The following UTRN variants were observed in gnomAD, a reference collection of about 807,000 sequenced individuals.
The protein encoded by UTRN is dystrophin-related protein 1.
In UTRN, 283 loss-of-function variants were observed where a neutral mutation model predicts 463.9. The observed-to-expected ratio is 0.61, with a 90% CI of 0.55 to 0.67. The LOEUF (loss-of-function observed/expected upper bound fraction) is 0.67. UTRN is among the 30% of genes least tolerant of loss of function. The probability of loss-of-function intolerance (pLI) is 0.00; values close to 1 mark genes in which losing one functional copy is unlikely to be tolerated. For missense variants in UTRN, 3,922 were observed against 4,084.3 expected (o/e 0.96, Z 1.08); for synonymous variants, 1,442 against 1,431.5 (o/e 1.01, Z -0.17).
chr6:144,653,136 G>T (rs1002645071), intron 51 of UTRN, among the ~76,000 whole-genome samples: 1 of 152,030 alleles, frequency 6.6e-6, no homozygotes, highest in Non-Finnish European at 1.5e-5. Context: ...CTTCCAGGTC[G>T]CCATTATTGC....
chr6:144,594,738 C>T (rs1290889719), intron 51 of UTRN, among the ~76,000 whole-genome samples: 1 of 152,122 alleles, frequency 6.6e-6, no homozygotes, highest in African/African-American at 2.4e-5. Context: ...TTTGTCTCTT[C>T]TTAAAAAGAA....
intron 51 of UTRN, among the ~76,000 whole-genome samples, chr6:144,637,062 G>A (rs1215331238): frequency 6.6e-6 from 1 of 152,170 alleles, no homozygotes; most frequent in African/African-American, 2.4e-5. Context: ...TCTGCTGCCT[G>A]GGCTCAGGAA....
chr6:144,720,477 G>A (rs1787011541), intron 53 of UTRN, among the ~76,000 whole-genome samples: 1 of 152,190 alleles, frequency 6.6e-6, no homozygotes, highest in Admixed American at 6.5e-5. Flanking sequence ...ACAGGAGGAA[G>A]GGTGTCTTCA....
intron 25 of UTRN, among the ~76,000 whole-genome samples, chr6:144,475,405 G>A (rs1288958395): frequency 5.9e-5 from 9 of 152,200 alleles, no homozygotes; most frequent in Admixed American, 5.9e-4. Context: ...AATGAAGGCA[G>A]TGTAGCTGGA....
At chr6:144,775,571 A>C (rs1775252102) in intron 60 of UTRN, among the ~76,000 whole-genome samples, 1 of 152,144 alleles carries the variant, frequency 6.6e-6, no homozygotes, top group South Asian at 2.1e-4. Context: ...ATAGGAAGTA[A>C]ATTACGAACA....
chr6:144,755,759 G>GT (rs557080858), intron 57 of UTRN, among the ~76,000 whole-genome samples: 413 of 152,034 alleles, frequency 2.7e-3, no homozygotes, highest in African/African-American at 9.6e-3. Context: ...AATTATGACA[G>GT]TTTTTTTGCA....
chr6:144,843,034 CA>C (rs1475493873), intron 73 of UTRN, among the ~76,000 whole-genome samples: 32 of 152,194 alleles, frequency 2.1e-4, no homozygotes, highest in Non-Finnish European at 4.6e-4. Flanking sequence ...TTTTGATTTT[CA>C]ATTGTTATGT....
At chr6:144,425,668 T>C (rs1785235101) in intron 6 of UTRN, among the ~76,000 whole-genome samples, 1 of 152,170 alleles carries the variant, frequency 6.6e-6, no homozygotes, top group Admixed American at 6.5e-5. Context: ...TCATGGACAT[T>C]TGCATAGGTT....
intron 51 of UTRN, among the ~76,000 whole-genome samples, chr6:144,653,225 T>C (rs949251331): frequency 1.3e-5 from 2 of 152,166 alleles, no homozygotes; most frequent in African/African-American, 4.8e-5. Flanking sequence ...ACTCCCCCCC[T>C]TTTTGGCGTA....
chr6:144,521,928 T>G, intron 39 of UTRN, 52 bp from the exon 40 acceptor site: 1 of 1,101,532 alleles, frequency 9.1e-7, no homozygotes, highest in Non-Finnish European at 1.2e-6. Context: ...TGTGGGGGTA[T>G]TTTAAGAGAT....
At chr6:144,764,326 C>A (rs1394200805) in intron 58 of UTRN, among the ~76,000 whole-genome samples, 1 of 152,098 alleles carries the variant, frequency 6.6e-6, no homozygotes, top group Non-Finnish European at 1.5e-5. Context: ...TACTGGTGTC[C>A]TAGTTAATTG....
At chr6:144,334,908 CAACTT>C (rs1562261313) in intron 2 of UTRN, among the ~76,000 whole-genome samples, 2 of 152,166 alleles carry the variant, frequency 1.3e-5, no homozygotes, top group Non-Finnish European at 2.9e-5. Context: ...AATATTGACA[CAACTT>C]AACTTTTAAG....
At chr6:144,526,966 T>G (rs2128599204) in intron 41 of UTRN, among the ~76,000 whole-genome samples, 1 of 152,158 alleles carries the variant, frequency 6.6e-6, no homozygotes, top group Non-Finnish European at 1.5e-5. Context: ...TGGCTAATTT[T>G]TTTTGTATTT....
At chr6:144,791,163 T>C (rs1026102068) in intron 62 of UTRN, among the ~76,000 whole-genome samples, 3 of 152,230 alleles carry the variant, frequency 2.0e-5, no homozygotes, top group Non-Finnish European at 4.4e-5. Flanking sequence ...TTCTGTGATA[T>C]CATTATTGTT....
chr6:144,774,433 A>T, intron 60 of UTRN, 69 bp downstream of exon 60: 1 of 1,379,844 alleles, frequency 7.2e-7, no homozygotes, highest in South Asian at 1.3e-5. Context: ...CAAGAGGAAG[A>T]TAAATGAAGA....
intron 41 of UTRN, among the ~76,000 whole-genome samples, chr6:144,529,085 G>A (rs951606398): frequency 2.0e-5 from 3 of 152,172 alleles, no homozygotes; most frequent in East Asian, 1.9e-4. Flanking sequence ...GAGGGAAAGC[G>A]TGCAGTTGCA....
intron 50 of UTRN, among the ~76,000 whole-genome samples, chr6:144,575,850 C>G (rs1801384162): frequency 6.6e-6 from 1 of 152,112 alleles, no homozygotes; most frequent in African/African-American, 2.4e-5. Flanking sequence ...CATCACTACT[C>G]TTAATTTCAG....
At chr6:144,449,665 G>A (rs1016301963) in intron 17 of UTRN, among the ~76,000 whole-genome samples, 3 of 152,156 alleles carry the variant, frequency 2.0e-5, no homozygotes, top group African/African-American at 7.2e-5. Context: ...ACATTTTACA[G>A]GGAAAATCTA....
chr6:144,630,051 G>T (rs975802058), intron 51 of UTRN, among the ~76,000 whole-genome samples: 4 of 152,146 alleles, frequency 2.6e-5, no homozygotes, highest in Non-Finnish European at 5.9e-5. Context: ...AGCCAGGCGT[G>T]GTGGTGGGTG....
Sources: allele counts gnomAD v4.1 joint callset (sites outside exome capture counted in the v4.1 genomes callset), GRCh38; gene constraint gnomAD v4.1.1; transcripts MANE v1.5; gene names NCBI Gene and HGNC (gene_info 2026-07-23, HGNC 2026-07-21).